Variants in FOXP1 observed in about 807,000 individuals in gnomAD.
FOXP1 encodes the protein forkhead box P1, also known as forkhead box protein P1.
Under a neutral mutation model 98.2 loss-of-function variants are expected in FOXP1, and 15 were observed. That is an observed-to-expected ratio of 0.15 (90% CI 0.10 to 0.24). FOXP1 has a LOEUF of 0.24. Among genes scored for constraint, FOXP1 ranks in the 10% least tolerant of loss-of-function variants. The probability of loss-of-function intolerance (pLI) is 1.00; values close to 1 mark genes in which losing one functional copy is unlikely to be tolerated. For synonymous variants in FOXP1, 371 were observed against 314.5 expected (o/e 1.18, Z -1.90); for missense variants, 633 against 848.5 (o/e 0.75, Z 3.15).
At chr3:71,135,804 C>T (rs1363236600) in intron 6 of FOXP1, among the ~76,000 whole-genome samples, 1 of 152,202 alleles carries the variant, frequency 6.6e-6, no homozygotes, top group African/African-American at 2.4e-5. Context: ...CAAGTCAAAG[C>T]ACCTTTCCAG....
intron 3 of FOXP1, among the ~76,000 whole-genome samples, chr3:71,379,947 C>T (rs1387180717): frequency 6.6e-6 from 1 of 152,188 alleles, no homozygotes; most frequent in Non-Finnish European, 1.5e-5. Context: ...GTAAAGCCTT[C>T]CTCTAGATAG....
At chr3:71,412,413 C>T (rs1409443654) in intron 3 of FOXP1, among the ~76,000 whole-genome samples, 1 of 152,130 alleles carries the variant, frequency 6.6e-6, no homozygotes. Flanking sequence ...CGACTGGGCC[C>T]CCAACGCTGC....
At chr3:71,071,916 A>G (rs1406131776) in intron 7 of FOXP1, among the ~76,000 whole-genome samples, 1 of 152,180 alleles carries the variant, frequency 6.6e-6, no homozygotes, top group Non-Finnish European at 1.5e-5. Flanking sequence ...CAACAACAAC[A>G]GCTATCATTA....
At chr3:71,309,392 A>ATT (rs539420592) in intron 4 of FOXP1, among the ~76,000 whole-genome samples, 63 of 147,746 alleles carry the variant, frequency 4.3e-4, no homozygotes, top group South Asian at 4.3e-4. Context: ...TTATAACGTA[A>ATT]TTTTTTTTTT....
intron 4 of FOXP1, among the ~76,000 whole-genome samples, chr3:71,346,920 G>A (rs1043031690): frequency 3.9e-5 from 6 of 152,076 alleles, no homozygotes; most frequent in Non-Finnish European, 8.8e-5. Flanking sequence ...GCACGCACCT[G>A]CCTCAGGGAG....
intron 4 of FOXP1, among the ~76,000 whole-genome samples, chr3:71,301,494 G>C (rs543855715): frequency 3.3e-5 from 5 of 152,074 alleles, no homozygotes; most frequent in Admixed American, 6.5e-5. Context: ...GTGAACTTTG[G>C]CAGATCCTAC....
In FOXP1 at chr3:71,446,907, T is replaced by G. The variant is rs1469517198; in HGVS notation, c.-168+46519A>C. Reference sequence around the variant, plus strand: ...TTCAGGACACGCTTTCCATCAGGGTTGCAAACTCAAATGCCCATAGGGGCC... The same window carrying G: ...TTCAGGACACGCTTTCCATCAGGGTGGCAAACTCAAATGCCCATAGGGGCC... On this transcript the variant is annotated intron_variant, in intron 3 of 20. Transcript: ENST00000649528. Among the ~76,000 whole-genome samples the G allele has an allele frequency of 4.6e-5, 7 of 152,384 alleles. No individual in the cohort carries two copies. The South Asian group carries it at 1.4e-3, about 32-fold the overall frequency.
chr3:71,369,132 G>C (rs1034742013), intron 3 of FOXP1, among the ~76,000 whole-genome samples: 1 of 151,882 alleles, frequency 6.6e-6, no homozygotes, highest in Non-Finnish European at 1.5e-5. Flanking sequence ...GCTCACGCCT[G>C]TAATCCCAGC....
At chr3:71,539,235 C>T (rs1235676943) in intron 2 of FOXP1, among the ~76,000 whole-genome samples, 1 of 149,796 alleles carries the variant, frequency 6.7e-6, no homozygotes, top group Non-Finnish European at 1.5e-5. Flanking sequence ...CCTCAGCCTC[C>T]CTAGTAGCTG....
intron 5 of FOXP1, among the ~76,000 whole-genome samples, chr3:71,221,264 C>T (rs1422008778): frequency 6.6e-6 from 1 of 152,176 alleles, no homozygotes; most frequent in East Asian, 1.9e-4. Flanking sequence ...CTCTTCCCCT[C>T]TCCTGGTCAG....
intron 5 of FOXP1, among the ~76,000 whole-genome samples, chr3:71,267,245 A>C (rs1240406308): frequency 2.0e-5 from 3 of 152,086 alleles, no homozygotes; most frequent in Admixed American, 6.6e-5. Flanking sequence ...TAGTATTAGG[A>C]GCTCTGAAGC....
intron 2 of FOXP1, among the ~76,000 whole-genome samples, chr3:71,528,026 T>C (rs550689034): frequency 6.6e-6 from 1 of 152,316 alleles, no homozygotes; most frequent in East Asian, 1.9e-4. Context: ...GACATCAAGA[T>C]GCCAGGAAAA....
intron 7 of FOXP1, among the ~76,000 whole-genome samples, chr3:71,107,585 T>C (rs2057544285): frequency 6.6e-6 from 1 of 152,180 alleles, no homozygotes; most frequent in South Asian, 2.1e-4. Flanking sequence ...GTGCCAATTC[T>C]AGACTATGTT....
At chr3:71,111,200 T>C (rs556204046) in intron 7 of FOXP1, among the ~76,000 whole-genome samples, 2 of 152,272 alleles carry the variant, frequency 1.3e-5, no homozygotes, top group Admixed American at 6.5e-5. Context: ...CCAAGTTATA[T>C]ACCTATCAGC....
At chr3:70,989,532 G>C (rs1380103916) in intron 13 of FOXP1, among the ~76,000 whole-genome samples, 2 of 152,132 alleles carry the variant, frequency 1.3e-5, no homozygotes, top group African/African-American at 4.8e-5. Flanking sequence ...GTTTTCCAAA[G>C]AGGCTTAGAA....
chr3:71,365,386 A>G (rs2078845943), intron 3 of FOXP1, among the ~76,000 whole-genome samples: 1 of 151,482 alleles, frequency 6.6e-6, no homozygotes, highest in South Asian at 2.1e-4. Context: ...CCATGCGCCC[A>G]CATAGACAGC....
chr3:71,085,734 C>CATTTTTTTTTTTTTT, intron 7 of FOXP1, among the ~76,000 whole-genome samples: 1 of 3,136 alleles, frequency 3.2e-4, no homozygotes, highest in African/African-American at 6.2e-4. Context: ...TCATTTATGG[C>CATTTTTTTTTTTTTT]CTTTTTTTTT....
At chr3:71,144,805 C>CA (rs1022739868) in intron 6 of FOXP1, among the ~76,000 whole-genome samples, 5 of 152,124 alleles carry the variant, frequency 3.3e-5, no homozygotes, top group African/African-American at 1.2e-4. Context: ...CACCACCCCC[C>CA]AAACTCCCTT....
chr3:71,241,563 G>A (rs538747420), intron 5 of FOXP1, among the ~76,000 whole-genome samples: 2 of 152,262 alleles, frequency 1.3e-5, no homozygotes, highest in South Asian at 2.1e-4. Context: ...TTGTGGTGCC[G>A]AAACTCTTCA....
Sources: gnomAD v4.1 joint callset for allele counts (sites outside exome capture counted in the v4.1 genomes callset) on GRCh38, gnomAD v4.1.1 for gene constraint, MANE v1.5 for transcripts, NCBI Gene and HGNC (gene_info 2026-07-23, HGNC 2026-07-21) for gene names.